FOXP1: variants seen among roughly 807,000 people sequenced by gnomAD.
The protein encoded by FOXP1 is forkhead box P1.
In FOXP1, 15 loss-of-function variants were observed where a neutral mutation model predicts 98.2. The ratio of observed to expected loss-of-function variants is 0.15; its 90% CI spans 0.10 to 0.24. The LOEUF is 0.24. Among genes scored for constraint, FOXP1 ranks in the 10% least tolerant of loss-of-function variants. The probability of loss-of-function intolerance (pLI) is 1.00; values close to 1 mark genes in which losing one functional copy is unlikely to be tolerated. For missense variants in FOXP1, 633 were observed against 848.5 expected, an observed-to-expected ratio of 0.75 and a Z score of 3.15; for synonymous variants, 371 against 314.5, an observed-to-expected ratio of 1.18 and a Z score of -1.90.
At chr3:71,271,814 G>A (rs2070385556) in intron 5 of FOXP1, among the ~76,000 whole-genome samples, 1 of 152,218 alleles carries the variant, frequency 6.6e-6, no homozygotes, top group Non-Finnish European at 1.5e-5. Flanking sequence ...AACCACTAAT[G>A]TGCTTTCACT....
At chr3:70,960,840 A>T (rs2033238333) in intron 20 of FOXP1, among the ~76,000 whole-genome samples, 1 of 142,798 alleles carries the variant, frequency 7.0e-6, no homozygotes, top group African/African-American at 2.9e-5. Context: ...TTAAAAAAAT[A>T]ATTTTTTTTT....
chr3:71,221,221 G>A (rs2065355295), intron 5 of FOXP1, among the ~76,000 whole-genome samples: 1 of 152,130 alleles, frequency 6.6e-6, no homozygotes, highest in African/African-American at 2.4e-5. Flanking sequence ...GCATGAGAGG[G>A]ATCTAGGTTG....
At chr3:71,506,830 A>G (rs539857625) in intron 2 of FOXP1, among the ~76,000 whole-genome samples, 5 of 152,356 alleles carry the variant, frequency 3.3e-5, no homozygotes, top group African/African-American at 1.2e-4. Context: ...CAACGTTGCC[A>G]TAGAGTAGCC....
intron 2 of FOXP1, among the ~76,000 whole-genome samples, chr3:71,579,793 C>T (rs1182706496): frequency 6.6e-6 from 1 of 151,922 alleles, no homozygotes; most frequent in Admixed American, 6.6e-5. Context: ...TTGCACAGTT[C>T]TTGGTAGCAA....
intron 2 of FOXP1, among the ~76,000 whole-genome samples, chr3:71,559,796 G>C (rs555605253): frequency 6.6e-6 from 1 of 151,992 alleles, no homozygotes; most frequent in Non-Finnish European, 1.5e-5. Flanking sequence ...GCAGTGAGCC[G>C]TGATTGCATC....
intron 11 of FOXP1, among the ~76,000 whole-genome samples, chr3:71,036,698 T>C (rs2047642846): frequency 1.3e-5 from 2 of 152,214 alleles, no homozygotes; most frequent in South Asian, 4.1e-4. Context: ...ATGAGGTTCA[T>C]TTATGTTCTT....
At chr3:71,190,269 T>C (rs1246054718) in intron 6 of FOXP1, among the ~76,000 whole-genome samples, 1 of 152,020 alleles carries the variant, frequency 6.6e-6, no homozygotes, top group East Asian at 1.9e-4. Flanking sequence ...AACATATCAG[T>C]TCCCCCTCCA....
At chr3:71,356,564 C>A (rs150274655) in intron 4 of FOXP1, among the ~76,000 whole-genome samples, 1 of 152,142 alleles carries the variant, frequency 6.6e-6, no homozygotes, top group African/African-American at 2.4e-5. Context: ...TACCAGGATC[C>A]GTGCTAAGCT....
chr3:70,993,485 G>C (rs1207868754), intron 13 of FOXP1, among the ~76,000 whole-genome samples: 1 of 152,182 alleles, frequency 6.6e-6, no homozygotes, highest in Non-Finnish European at 1.5e-5. Context: ...GCCCTTATTC[G>C]CCATTGGCAT....
intron 7 of FOXP1, among the ~76,000 whole-genome samples, chr3:71,057,269 A>C (rs1288639027): frequency 7.8e-6 from 1 of 128,098 alleles, no homozygotes; most frequent in Non-Finnish European, 1.6e-5. Flanking sequence ...CCCCTCTTTA[A>C]AAGTATTCAG....
At chr3:71,389,203 T>C (rs1216379526) in intron 3 of FOXP1, among the ~76,000 whole-genome samples, 2 of 126,608 alleles carry the variant, frequency 1.6e-5, no homozygotes, top group Non-Finnish European at 3.2e-5. Flanking sequence ...AGGCCTCCAA[T>C]CAATTAGGAC....
At chr3:71,250,287 A>T (rs1016952181) in intron 5 of FOXP1, among the ~76,000 whole-genome samples, 1 of 152,220 alleles carries the variant, frequency 6.6e-6, no homozygotes, top group African/African-American at 2.4e-5. Context: ...ACTCATCTAG[A>T]GCATCACTGC....
At position 71,465,781 on chromosome 3, in the gene FOXP1, A is replaced by G. The variant is rs146105355; in HGVS notation, c.-168+27645T>C. Among the ~76,000 whole-genome samples, 701 of 152,314 alleles carry G rather than the reference A, an allele frequency of 4.6e-3. 6 individuals are homozygous for G. The highest frequency in any genetic ancestry group is 0.016 in the African/African-American group (674 of 41,568). Reference sequence around the variant, plus strand: ...CATGGCCCGTTAGGAAACCGGATGCACAAGAAGTGAGCAGAGGGCAAGCAA... The same window carrying G: ...CATGGCCCGTTAGGAAACCGGATGCGCAAGAAGTGAGCAGAGGGCAAGCAA... On this transcript the variant is annotated intron_variant, in intron 3 of 20. Transcript: ENST00000649528.
chr3:71,208,806 CTT>C (rs998445466), intron 5 of FOXP1, among the ~76,000 whole-genome samples: 5 of 152,094 alleles, frequency 3.3e-5, no homozygotes, highest in African/African-American at 1.2e-4. Flanking sequence ...AGAGGCCACT[CTT>C]TGAGAATCAA....
chr3:71,193,448 G>A lies in FOXP1; in HGVS notation c.180+4754C>T, dbSNP rs1204161332. ...CAGGCGTGAGCCACTGCGCCCAGCC[G>A]TTATTTGTTTTTTTTTTTTAGACAT... On this transcript the variant is annotated intron_variant, in intron 6 of 20. Transcript: ENST00000649528. 4.3e-5 allele frequency among the ~76,000 whole-genome samples: 4 copies of A among 92,232 alleles called. 1 individual carries two copies. Among genetic ancestry groups the A allele is most frequent in the African/African-American group, 1.2e-4 (2 of 16,884 alleles). The allele number at this position is 92,232 out of a possible 152,430, so 60.5% of individuals were successfully genotyped here.
chr3:71,127,167 T>C (rs1325563452), intron 6 of FOXP1, among the ~76,000 whole-genome samples: 2 of 152,178 alleles, frequency 1.3e-5, no homozygotes, highest in African/African-American at 2.4e-5. Flanking sequence ...TTTTACACTG[T>C]GCTTTAGAAA....
intron 6 of FOXP1, among the ~76,000 whole-genome samples, chr3:71,195,918 G>A (rs751839021): frequency 1.5e-4 from 23 of 152,180 alleles, no homozygotes; most frequent in Non-Finnish European, 3.1e-4. Flanking sequence ...CTCTAGTCCT[G>A]TAGAAATATT....
intron 12 of FOXP1, among the ~76,000 whole-genome samples, chr3:71,015,139 T>TAA (rs990094602): frequency 7.0e-6 from 1 of 143,338 alleles, no homozygotes; most frequent in African/African-American, 2.6e-5. Context: ...AAGTATAATT[T>TAA]AAAAAAAAAA....
chr3:70,969,702 T>G (rs935636328), intron 19 of FOXP1: 3 of 152,214 alleles, frequency 2.0e-5, no homozygotes, highest in African/African-American at 7.2e-5. Context: ...TGTTCATATT[T>G]GCTCAAGTAT....
Sources: gnomAD v4.1 joint callset for allele counts (sites outside exome capture counted in the v4.1 genomes callset) on GRCh38, gnomAD v4.1.1 for gene constraint, MANE v1.5 for transcripts, NCBI Gene and HGNC (gene_info 2026-07-23, HGNC 2026-07-21) for gene names.